The following SLC6A3 variants were observed in gnomAD, a reference collection of about 807,000 sequenced individuals.
The protein encoded by SLC6A3 is solute carrier family 6 member 3.
SLC6A3 carries 19 observed loss-of-function variants against 70.4 expected under a neutral mutation model. That is an observed-to-expected ratio of 0.27 (90% CI 0.19 to 0.40). The LOEUF (loss-of-function observed/expected upper bound fraction) is 0.40, where lower values mean the gene tolerates loss of function less well. Ranked by LOEUF, SLC6A3 falls within the 10% of genes least tolerant of loss-of-function variation. The pLI, the probability that SLC6A3 is intolerant of heterozygous loss-of-function variation, is 1.00. For synonymous variants in SLC6A3, 368 were observed against 356.6 expected (o/e 1.03, Z -0.36); for missense variants, 613 against 838.5 (o/e 0.73, Z 3.32).
intron 4 of SLC6A3, among the ~76,000 whole-genome samples, chr5:1,422,598 C>CCA (rs201703730): frequency 1.3e-4 from 15 of 115,936 alleles, no homozygotes; most frequent in Admixed American, 2.7e-4. Flanking sequence ...CCACCGCTGC[C>CCA]CAGTGCTGCC....
At position 1,409,800 on chromosome 5, in the gene SLC6A3, A is replaced by C. The variant is rs1462294907; in HGVS notation, c.1319T>G (p.Leu440Arg). ...GAAGAGCTCACGGTGTCTGTGCAGC[A>C]GCTGGAACTCATCGATGAGCCCGGT... ...VITGLIDEFQ[L>R]LHRHRELFTL... The change falls in exon 10 of 15, where the codon CTG becomes CGG. Residue 440 changes from leucine (L) to arginine (R), a missense_variant. By Grantham distance (102) the Leu-to-Arg change is moderately radical. This residue lies in a region of SLC6A3 where 348 missense variants were observed against 481.2 expected (regional missense o/e 0.72). Coordinates refer to ENST00000270349, the MANE Select transcript of SLC6A3 (RefSeq NM_001044.5). 16 of 1,613,326 alleles carry C rather than the reference A, an allele frequency of 9.9e-6. No homozygotes were observed. Among genetic ancestry groups the C allele is most frequent in the Non-Finnish European group, 1.4e-5 (16 of 1,179,982 alleles).
chr5:1,397,471 C>T lies in SLC6A3; in HGVS notation c.1840-2713G>A, dbSNP rs1755748538. ...ACAAACAAACAAACAAAAAAGAAAC[C>T]CAGGTCCCGACACTCCGCAGTGAAC... On this transcript the variant is annotated intron_variant, in intron 14 of 14. Coordinates refer to ENST00000270349, the MANE Select transcript of SLC6A3 (RefSeq NM_001044.5). This position sits in a 1 kb window ranked among gnomAD's most constrained non-coding sequence, Gnocchi z 4.7. Among the ~76,000 whole-genome samples, 1 of 152,022 alleles carries T rather than the reference C, an allele frequency of 6.6e-6. No homozygotes were observed. The highest frequency in any genetic ancestry group is 2.1e-4 in the South Asian group (1 of 4,820).
Position 1,419,411 on chromosome 5 carries a change from T to C in SLC6A3, c.927+1158A>G, listed in dbSNP as rs111243764. 4.2e-3 allele frequency among the ~76,000 whole-genome samples: 646 copies of C among 152,336 alleles called. 3 individuals are homozygous for C. The highest frequency in any genetic ancestry group is 0.014 in the African/African-American group (583 of 41,564). ...CACCTAATTTCTGACATCTCATCTTTGTAATTTGTTCTCCAGTGAGCATCT... is the reference window on the plus strand; with the variant it reads ...CACCTAATTTCTGACATCTCATCTTCGTAATTTGTTCTCCAGTGAGCATCT... On this transcript the variant is annotated intron_variant, in intron 6 of 14. Coordinates refer to ENST00000270349, the MANE Select transcript of SLC6A3 (RefSeq NM_001044.5).
In SLC6A3 at chr5:1,401,246, A is replaced by G; in HGVS notation, c.1768-260T>C. The G allele has an allele frequency of 4.4e-6, 3 of 680,264 alleles. No homozygotes were observed. The highest frequency in any genetic ancestry group is 8.1e-6 in the Non-Finnish European group (3 of 370,708). 42.1% of individuals were successfully genotyped at this position (680,264 alleles called of 1,614,324 possible). The stretch of plus-strand genomic sequence containing the variant: ...CCCTTAAAGTCTAGCGCAGAGCAGA[A>G]CATCAGCATTTGAGCACTCGCTTGA... On this transcript the variant is annotated intron_variant, in intron 13 of 14. Coordinates refer to ENST00000270349, the MANE Select transcript of SLC6A3 (RefSeq NM_001044.5). This position sits in a 1 kb window ranked among gnomAD's most constrained non-coding sequence, Gnocchi z 6.1.
In SLC6A3 at chr5:1,408,925, T is replaced by C. The variant is rs529389248; in HGVS notation, c.1498+101A>G. 3 of 814,046 alleles carry C rather than the reference T, an allele frequency of 3.7e-6. No individual in the cohort carries two copies. Among genetic ancestry groups the C allele is most frequent in the African/African-American group, 3.4e-5 (2 of 59,336 alleles). The allele number at this position is 814,046 out of a possible 1,614,324, so 50.4% of individuals were successfully genotyped here. ...TGTGATGACCACAACCCAGGCTTCC[T>C]GCAGCTGAAAGGTGTTTCCTCACGG... is the stretch of plus-strand genomic sequence containing the variant. On this transcript the variant is annotated intron_variant, in intron 11 of 14. Coordinates refer to ENST00000270349, the MANE Select transcript of SLC6A3 (RefSeq NM_001044.5). The surrounding 1 kb of genome is among the most constrained non-coding windows in gnomAD (Gnocchi z 6.4).
In SLC6A3 at chr5:1,443,127, A is replaced by C. The variant is rs2126415795; in HGVS notation, c.71T>G (p.Val24Gly). 1 of 1,614,186 alleles carries C rather than the reference A, an allele frequency of 6.2e-7. No homozygotes were observed. Among genetic ancestry groups the C allele is most frequent in the Non-Finnish European group, 8.5e-7 (1 of 1,180,026 alleles). The change falls in exon 2 of 15, where the codon GTG becomes GGG. Residue 24 changes from valine (V) to glycine (G), a missense_variant. Val to Gly is a moderately radical substitution (Grantham distance 109). Transcript: ENST00000270349. ...GATGAGCTCCACCTCCTTCGGGCCCACGGCATTGGGCTCCTTAGCCGGGGC... is the reference window on the plus strand; with the variant it reads ...GATGAGCTCCACCTCCTTCGGGCCCCCGGCATTGGGCTCCTTAGCCGGGGC... ...VVAPAKEPNA[V>G]GPKEVELILV...
intron 3 of SLC6A3, among the ~76,000 whole-genome samples, chr5:1,432,986 G>T (rs1024584181): frequency 2.6e-5 from 4 of 151,962 alleles, no homozygotes; most frequent in East Asian, 1.9e-4. Context: ...AGCCAGCAAG[G>T]TCACCCAGAG....
rs1170742392 is a variant in SLC6A3, at chr5:1,442,504, C to T, written c.286+408G>A. Among the ~76,000 whole-genome samples the T allele has an allele frequency of 2.0e-5, 3 of 152,212 alleles. No homozygotes were observed. Among genetic ancestry groups the T allele is most frequent in the Non-Finnish European group, 4.4e-5 (3 of 68,036 alleles). On this transcript the variant is annotated intron_variant, in intron 2 of 14. Transcript: ENST00000270349. The surrounding 1 kb of genome is among the most constrained non-coding windows in gnomAD (Gnocchi z 5.0). Reference sequence around the variant, plus strand: ...CACAGTCACTTTCCAGGGGCCTCCTCTGCCACTCCAGGCTCCAGGGCCTCC... The same window carrying T: ...CACAGTCACTTTCCAGGGGCCTCCTTTGCCACTCCAGGCTCCAGGGCCTCC...
chr5:1,401,050 G>T lies in SLC6A3; in HGVS notation c.1768-64C>A. On this transcript the variant is annotated intron_variant, in intron 13 of 14. Transcript: ENST00000270349. This position sits in a 1 kb window ranked among gnomAD's most constrained non-coding sequence, Gnocchi z 6.1. ...GTACCCACTGCCAGCACCCACCACT[G>T]ACTCACACTGCCAGGACCCTCACCT... 8.1e-7 allele frequency: 1 copy of T among 1,239,824 alleles called. No individual in the cohort carries two copies. Among genetic ancestry groups the T allele is most frequent in the South Asian group, 1.3e-5 (1 of 78,400 alleles). The allele number at this position is 1,239,824 out of a possible 1,614,324, so 76.8% of individuals were successfully genotyped here. A position where few individuals can be genotyped will look rare whatever the true frequency, so the allele number is the denominator to read the frequency against.
Position 1,394,778 on chromosome 5 carries a change from A to G in SLC6A3, c.1840-20T>C. The stretch of plus-strand genomic sequence containing the variant: ...GCGGAGCTGGAAAGAAAACAGGTTT[A>G]GTCAGAAACCCTGGGGCGATGCCCC... On this transcript the variant is annotated intron_variant, in intron 14 of 14. Coordinates refer to ENST00000270349, the MANE Select transcript of SLC6A3 (RefSeq NM_001044.5). The surrounding 1 kb of genome is among the most constrained non-coding windows in gnomAD (Gnocchi z 4.7). The G allele has an allele frequency of 6.2e-7, 1 of 1,614,042 alleles. No homozygotes were observed. The highest frequency in any genetic ancestry group is 8.5e-7 in the Non-Finnish European group (1 of 1,179,938).
chr5:1,439,450 C>T (rs776720310), intron 3 of SLC6A3, among the ~76,000 whole-genome samples: 4 of 152,184 alleles, frequency 2.6e-5, no homozygotes, highest in Admixed American at 1.3e-4. Context: ...CCATTAAGAA[C>T]GAATGAGTCT....
rs549860933 is a variant in SLC6A3 at position 1,436,117 on chromosome 5, C to T, written c.419-3419G>A. 7.2e-5 allele frequency among the ~76,000 whole-genome samples: 11 copies of T among 152,184 alleles called. No individual in the cohort carries two copies. Among genetic ancestry groups the T allele is most frequent in the African/African-American group, 4.8e-5 (2 of 41,432 alleles). ...TGGGTGAGGAAATGGCTCCCTTGAACGGTAGTGGCCACTGTCAGCACTGGC... is the reference window on the plus strand; with the variant it reads ...TGGGTGAGGAAATGGCTCCCTTGAATGGTAGTGGCCACTGTCAGCACTGGC... On this transcript the variant is annotated intron_variant, in intron 3 of 14. Transcript: ENST00000270349. The surrounding 1 kb of genome is among the most constrained non-coding windows in gnomAD (Gnocchi z 5.2).
chr5:1,395,766 A>G (rs957726073), intron 14 of SLC6A3, among the ~76,000 whole-genome samples: 3 of 152,238 alleles, frequency 2.0e-5, no homozygotes, highest in Non-Finnish European at 4.4e-5. Context: ...GCGATGAAGA[A>G]GCCATGCTTG....
rs28382224 is a variant in SLC6A3, at chr5:1,442,437, C to T, written c.286+475G>A. Among the ~76,000 whole-genome samples, 389 of 152,286 alleles carry T rather than the reference C, an allele frequency of 2.6e-3. No individual in the cohort carries two copies. Among genetic ancestry groups the T allele is most frequent in the Non-Finnish European group, 4.6e-3 (315 of 68,018 alleles). ...TCCCCGGTGGCCCTGCCTCGATCTT[C>T]GCTTTCTGGCTCTGTGGCTGGGTTC... On this transcript the variant is annotated intron_variant, in intron 2 of 14. Transcript: ENST00000270349. This position sits in a 1 kb window ranked among gnomAD's most constrained non-coding sequence, Gnocchi z 5.0.
chr5:1,422,260 G>A (rs1756454162), intron 4 of SLC6A3, among the ~76,000 whole-genome samples: 1 of 152,244 alleles, frequency 6.6e-6, no homozygotes, highest in Admixed American at 6.5e-5. Flanking sequence ...TCTGCCCTTG[G>A]CACCCCTGCT....
Position 1,408,393 on chromosome 5 carries a change from T to C in SLC6A3, c.1498+633A>G, listed in dbSNP as rs1456107375. On this transcript the variant is annotated intron_variant, in intron 11 of 14. Coordinates refer to ENST00000270349, the MANE Select transcript of SLC6A3 (RefSeq NM_001044.5). The surrounding 1 kb of genome is among the most constrained non-coding windows in gnomAD (Gnocchi z 6.4). ...CTCGGCCTCGCCACTTCCCTGGAAG[T>C]GAGCTGGCCAGGTAAGCGGAGCTGG... 1.3e-5 allele frequency among the ~76,000 whole-genome samples: 2 copies of C among 151,926 alleles called. No homozygotes were observed. Among genetic ancestry groups the C allele is most frequent in the Non-Finnish European group, 2.9e-5 (2 of 67,966 alleles).
intron 1 of SLC6A3, among the ~76,000 whole-genome samples, chr5:1,444,147 C>A (rs2550965): frequency 6.6e-6 from 1 of 152,182 alleles, no homozygotes; most frequent in African/African-American, 2.4e-5. Flanking sequence ...CACCACCCCG[C>A]GTGAGAGAGC....
At position 1,401,729 on chromosome 5, in the gene SLC6A3, G is replaced by A. The variant is rs562308680; in HGVS notation, c.1768-743C>T. Among the ~76,000 whole-genome samples the A allele has an allele frequency of 6.6e-5, 10 of 152,234 alleles. No individual in the cohort carries two copies. The highest frequency in any genetic ancestry group is 2.2e-4 in the African/African-American group (9 of 41,446). On this transcript the variant is annotated intron_variant, in intron 13 of 14. Transcript: ENST00000270349. This position sits in a 1 kb window ranked among gnomAD's most constrained non-coding sequence, Gnocchi z 6.1. ...AGGGCGCTGGCTGTTCAGGTCCGCC[G>A]GGCTGTAGGCATCCTCCAGCTCTGC...
At chr5:1,426,829 G>A (rs897828704) in intron 4 of SLC6A3, among the ~76,000 whole-genome samples, 7 of 152,220 alleles carry the variant, frequency 4.6e-5, no homozygotes, top group Admixed American at 3.3e-4. Flanking sequence ...CAAAATTTCA[G>A]CTTTGGAGGA....
Sources: allele counts gnomAD v4.1 joint callset (sites outside exome capture counted in the v4.1 genomes callset), GRCh38; gene constraint gnomAD v4.1.1; regional missense constraint gnomAD v4.1.1; non-coding constraint Gnocchi (gnomAD v3.1); transcripts MANE v1.5; gene names NCBI Gene and HGNC (gene_info 2026-07-23, HGNC 2026-07-21).